MICU3: variants seen among roughly 807,000 people sequenced by gnomAD.
MICU3 encodes calcium uptake protein 3, mitochondrial.
Under a neutral mutation model 66.5 loss-of-function variants are expected in MICU3, and 62 were observed. That is an observed-to-expected ratio of 0.93 (90% CI 0.76 to 1.15). MICU3 has a LOEUF of 1.15. MICU3 is among the 50% of genes most tolerant of loss of function. The pLI is 0.00. For synonymous variants in MICU3, 308 were observed against 240.7 expected (o/e 1.28, Z -2.59); for missense variants, 779 against 664.4 (o/e 1.17, Z -1.90).
intron 7 of MICU3, among the ~76,000 whole-genome samples, chr8:17,089,073 T>A (rs1799775592): frequency 6.6e-6 from 1 of 151,948 alleles, no homozygotes; most frequent in South Asian, 2.1e-4. Flanking sequence ...TTAAGTAATA[T>A]AATATATAAT....
At chr8:17,123,729 A>G (rs747543044), downstream of MICU3, among the ~76,000 whole-genome samples, 2 of 152,046 alleles carry the variant, frequency 1.3e-5, no homozygotes, top group Admixed American at 6.6e-5. Context: ...ATTCAATGAA[A>G]TACTATATAA....
intron 1 of MICU3, among the ~76,000 whole-genome samples, chr8:17,052,165 A>G (rs1404771268): frequency 2.0e-5 from 3 of 152,196 alleles, no homozygotes; most frequent in African/African-American, 4.8e-5. Context: ...AAAGAACCCT[A>G]TAATGTAAGC....
chr8:17,103,339 G>C (rs1172859944), intron 9 of MICU3, among the ~76,000 whole-genome samples: 1 of 151,932 alleles, frequency 6.6e-6, no homozygotes, highest in Non-Finnish European at 1.5e-5. Context: ...ACAGAAGACT[G>C]ATCCTTTGTA....
At chr8:17,054,196 A>G (rs556072343) in intron 1 of MICU3, among the ~76,000 whole-genome samples, 3 of 152,360 alleles carry the variant, frequency 2.0e-5, no homozygotes, top group African/African-American at 7.2e-5. Flanking sequence ...AGTTTCACAT[A>G]TCTAGTTAGA....
At chr8:17,119,808 G>A (rs1274753751) in intron 14 of MICU3, among the ~76,000 whole-genome samples, 1 of 152,060 alleles carries the variant, frequency 6.6e-6, no homozygotes, top group Non-Finnish European at 1.5e-5. Flanking sequence ...CCCATTTTGG[G>A]AAATACTCAT....
At chr8:17,057,014 C>T (rs1049662436) in intron 1 of MICU3, among the ~76,000 whole-genome samples, 1 of 152,182 alleles carries the variant, frequency 6.6e-6, no homozygotes, top group East Asian at 1.9e-4. Flanking sequence ...TAGACTCATT[C>T]TTGTTTCTGT....
the MICU3 span, chr8:17,131,081 T>C: frequency 3.9e-5 from 6 of 152,204 alleles, no homozygotes; most frequent in Non-Finnish European, 8.8e-5. Context: ...GATGTAGTAG[T>C]TGGGGTCCAG....
downstream of MICU3, among the ~76,000 whole-genome samples, chr8:17,125,011 C>T (rs1460747517): frequency 6.6e-6 from 1 of 152,050 alleles, no homozygotes; most frequent in Non-Finnish European, 1.5e-5. Context: ...CCTAAAAACT[C>T]ATGGCATTCA....
chr8:17,106,174 A>G (rs73666277), intron 11 of MICU3, among the ~76,000 whole-genome samples: 1,723 of 152,148 alleles, frequency 0.011, 23 homozygotes, highest in African/African-American at 0.036. Context: ...ACCAAATAGA[A>G]CTAGTGTTAC....
In MICU3 at chr8:17,057,121, G is replaced by A. The variant is rs532230952; in HGVS notation, c.382-6963G>A. On this transcript the variant is annotated intron_variant, in intron 1 of 14. Transcript: ENST00000318063. ...ATTGAATGTGTTGATAACTAGCAGA[G>A]CTTTAAACAGACAGAGTTTAGAAAG... 5.3e-4 allele frequency among the ~76,000 whole-genome samples: 81 copies of A among 152,306 alleles called. 1 individual carries two copies. The highest frequency in any genetic ancestry group is 2.3e-3 in the South Asian group (11 of 4,820).
chr8:17,054,036 T>C (rs943050899), intron 1 of MICU3, among the ~76,000 whole-genome samples: 14 of 152,200 alleles, frequency 9.2e-5, no homozygotes, highest in African/African-American at 3.1e-4. Context: ...GCTTGGGCAG[T>C]TTTCTGCAGG....
intron 13 of MICU3, among the ~76,000 whole-genome samples, chr8:17,118,106 A>G (rs1802856713): frequency 6.6e-6 from 1 of 152,184 alleles, no homozygotes; most frequent in Non-Finnish European, 1.5e-5. Flanking sequence ...GTTACATTGA[A>G]AATCGTTTAT....
chr8:17,034,691 G>A (rs1487769597), intron 1 of MICU3, among the ~76,000 whole-genome samples: 1 of 152,186 alleles, frequency 6.6e-6, no homozygotes, highest in Non-Finnish European at 1.5e-5. Flanking sequence ...TGGTGAAATA[G>A]CAAGAGAACT....
intron 2 of MICU3, among the ~76,000 whole-genome samples, chr8:17,066,517 C>CCATATA (rs369253171): frequency 1.9e-5 from 2 of 105,062 alleles, no homozygotes; most frequent in Non-Finnish European, 3.5e-5. Context: ...TGTTAATAAT[C>CCATATA]TATATATATA....
intron 7 of MICU3, among the ~76,000 whole-genome samples, chr8:17,087,298 T>C (rs1435713941): frequency 6.6e-6 from 1 of 151,998 alleles, no homozygotes; most frequent in Non-Finnish European, 1.5e-5. Context: ...ATTTGAAGGG[T>C]ATATCATACA....
In MICU3 at chr8:17,064,250, T is replaced by C. The variant is rs1213025240; in HGVS notation, c.535+13T>C. The C allele has an allele frequency of 1.1e-5, 17 of 1,593,014 alleles. No individual in the cohort carries two copies. In the Admixed American group the frequency reaches 1.2e-4, roughly 11 times the overall value. ...GATGAGCCCAAAGGTAAGTACACTT[T>C]TGAAATTATCTTAATAATTGTATAA... On this transcript the variant is annotated intron_variant, in intron 2 of 14. Coordinates refer to ENST00000318063, the MANE Select transcript of MICU3 (RefSeq NM_181723.3).
In MICU3 at chr8:17,093,137, T is replaced by A. The variant is rs535417593; in HGVS notation, c.888+2553T>A. On this transcript the variant is annotated intron_variant, in intron 8 of 14. Coordinates refer to ENST00000318063, the MANE Select transcript of MICU3 (RefSeq NM_181723.3). ...TGAAGAGAGCTGTTACCTTATAACC[T>A]TTTCTGTTCCAAATAACCGTGATTC... 7.4e-4 allele frequency among the ~76,000 whole-genome samples: 112 copies of A among 152,172 alleles called. 1 individual carries two copies. Among genetic ancestry groups the A allele is most frequent in the African/African-American group, 2.6e-3 (110 of 41,558 alleles).
chr8:17,044,908 G>A (rs113410826), intron 1 of MICU3, among the ~76,000 whole-genome samples: 80 of 152,250 alleles, frequency 5.3e-4, no homozygotes, highest in African/African-American at 1.8e-3. Context: ...GTTTTAATTG[G>A]CCTTCCAGAA....
intron 11 of MICU3, 42 bp from the exon 12 acceptor site, chr8:17,114,051 T>C: frequency 1.6e-6 from 2 of 1,224,036 alleles, no homozygotes; most frequent in South Asian, 2.9e-5. Flanking sequence ...TTTAATAAAT[T>C]TGGCAATACT....
Sources: gnomAD v4.1 joint callset for allele counts (sites outside exome capture counted in the v4.1 genomes callset) on GRCh38, gnomAD v4.1.1 for gene constraint, MANE v1.5 for transcripts, NCBI Gene and HGNC (gene_info 2026-07-23, HGNC 2026-07-21) for gene names.